Variants in RMST observed in about 807,000 individuals in gnomAD.
RMST encodes the protein long intergenic non-protein coding RNA 54.
intron 10 of RMST, among the ~76,000 whole-genome samples, chr12:97,499,125 G>A (rs1229854954): frequency 1.3e-5 from 2 of 152,056 alleles, no homozygotes; most frequent in Admixed American, 6.6e-5. Context: ...CAGCTTTTTC[G>A]ATTTTTTTTT....
chr12:97,510,507 A>G (rs1374949726), intron 10 of RMST, among the ~76,000 whole-genome samples: 1 of 152,230 alleles, frequency 6.6e-6, no homozygotes, highest in Admixed American at 6.5e-5. Context: ...AATTTTCATG[A>G]TAGTTTAAAA....
At chr12:97,473,321 G>T (rs1006680715) in intron 5 of RMST, among the ~76,000 whole-genome samples, 1 of 152,106 alleles carries the variant, frequency 6.6e-6, no homozygotes, top group African/African-American at 2.4e-5. Context: ...TAATTCAACT[G>T]TCTAAAAATT....
At chr12:97,488,174 AG>A (rs1876337006) in intron 5 of RMST, among the ~76,000 whole-genome samples, 1 of 152,292 alleles carries the variant, frequency 6.6e-6, no homozygotes, top group East Asian at 1.9e-4. Flanking sequence ...ACCTGAGGTC[AG>A]GAGTTCGAGA....
chr12:97,487,526 C>A (rs1289898165), intron 5 of RMST, among the ~76,000 whole-genome samples: 1 of 152,028 alleles, frequency 6.6e-6, no homozygotes, highest in Admixed American at 6.6e-5. Context: ...CTGAAAAGCA[C>A]GTTTGATGGA....
chr12:97,554,058 G>A lies in RMST; in HGVS notation n.1546-6479G>A, dbSNP rs533129654. Among the ~76,000 whole-genome samples, 17 of 149,646 alleles carry A rather than the reference G, an allele frequency of 1.1e-4. No homozygotes were observed. In the East Asian group the frequency reaches 2.6e-3, roughly 23 times the overall value. On this transcript the variant is annotated intron_variant and non_coding_transcript_variant, in intron 11 of 13. Coordinates refer to ENST00000640149, the Ensembl canonical transcript of RMST. ...CAACCTCCGCCTCCCGGGTTCAAGC[G>A]ATTCTCCTGCCTCAGCCTCCCGATT...
intron 10 of RMST, among the ~76,000 whole-genome samples, chr12:97,511,324 T>C (rs1306231357): frequency 6.6e-6 from 1 of 152,098 alleles, no homozygotes; most frequent in Non-Finnish European, 1.5e-5. Flanking sequence ...GATTTTTGTA[T>C]TTTTAGTAGA....
At chr12:97,509,058 ATGAATTCTC>A (rs1230358712) in intron 10 of RMST, among the ~76,000 whole-genome samples, 2 of 152,200 alleles carry the variant, frequency 1.3e-5, no homozygotes, top group East Asian at 1.9e-4. Flanking sequence ...TTATGGTAAA[ATGAATTCTC>A]GGAAAGTTCA....
chr12:97,463,638 C>T (rs1447406976), intron 4 of RMST, among the ~76,000 whole-genome samples: 1 of 152,262 alleles, frequency 6.6e-6, no homozygotes, highest in East Asian at 1.9e-4. Context: ...CTCTTTCATT[C>T]TTAATTTGTA....
At chr12:97,491,600 A>G (rs1373015017) in intron 5 of RMST, 1 of 204,364 alleles carries the variant, frequency 4.9e-6, no homozygotes, top group Non-Finnish European at 1.1e-5. Context: ...CCAGTTGGGA[A>G]GAGGTATTGC....
intron 11 of RMST, among the ~76,000 whole-genome samples, chr12:97,554,670 C>A (rs1035442813): frequency 6.6e-6 from 1 of 152,000 alleles, no homozygotes; most frequent in Non-Finnish European, 1.5e-5. Context: ...ATATTTCTAC[C>A]CTCGTTGCCA....
intron 11 of RMST, among the ~76,000 whole-genome samples, chr12:97,535,831 C>T (rs73386725): frequency 0.014 from 2,142 of 151,662 alleles, 61 homozygotes; most frequent in African/African-American, 0.049. Context: ...GTTTAGAGTG[C>T]TTTGAGTAAT....
At chr12:97,492,801 T>C (rs1877000037) in intron 6 of RMST, 2 of 152,278 alleles carry the variant, frequency 1.3e-5, no homozygotes, top group South Asian at 2.1e-4. Flanking sequence ...AGGTCCTCTA[T>C]CTCATCAAAG....
chr12:97,533,999 T>G (rs1881882612), intron 11 of RMST, among the ~76,000 whole-genome samples: 1 of 151,852 alleles, frequency 6.6e-6, no homozygotes, highest in Non-Finnish European at 1.5e-5. Flanking sequence ...CTTATTCAGC[T>G]GGCAAAGTCA....
At chr12:97,508,987 C>T (rs1459674907) in intron 10 of RMST, among the ~76,000 whole-genome samples, 2 of 152,194 alleles carry the variant, frequency 1.3e-5, no homozygotes, top group Non-Finnish European at 2.9e-5. Context: ...CCAGATTCAT[C>T]ATTGCTGAAG....
intron 3 of RMST, chr12:97,463,058 T>TCTCTCTCTCTCTCTCTCTC (rs1872765006): frequency 7.0e-6 from 1 of 142,650 alleles, no homozygotes; most frequent in Non-Finnish European, 1.5e-5. Context: ...TCTCTCTCTC[T>TCTCTCTCTCTCTCTCTCTC]GAAACACACA....
At chr12:97,477,191 C>T (rs1260521698) in intron 5 of RMST, among the ~76,000 whole-genome samples, 1 of 152,150 alleles carries the variant, frequency 6.6e-6, no homozygotes, top group Non-Finnish European at 1.5e-5. Context: ...CAGGTGCCCA[C>T]ATGCGCTTTG....
At chr12:97,549,496 A>G (rs941530314) in intron 11 of RMST, among the ~76,000 whole-genome samples, 6 of 152,226 alleles carry the variant, frequency 3.9e-5, no homozygotes, top group African/African-American at 1.4e-4. Flanking sequence ...GCCTGAGTGA[A>G]TAAGAAAGAT....
At chr12:97,486,606 A>G (rs769007643) in intron 5 of RMST, among the ~76,000 whole-genome samples, 1 of 152,222 alleles carries the variant, frequency 6.6e-6, no homozygotes, top group African/African-American at 2.4e-5. Context: ...TCATTCTGGA[A>G]TATTAAATAG....
chr12:97,474,014 G>A (rs1036353400), intron 5 of RMST, among the ~76,000 whole-genome samples: 4 of 152,006 alleles, frequency 2.6e-5, no homozygotes, highest in African/African-American at 9.7e-5. Flanking sequence ...CCCAGGGAAG[G>A]GAAGAATTGG....
Sources: allele counts gnomAD v4.1 joint callset (sites outside exome capture counted in the v4.1 genomes callset), GRCh38; gene constraint gnomAD v4.1.1; transcripts MANE v1.5; gene names NCBI Gene and HGNC (gene_info 2026-07-23, HGNC 2026-07-21).